Variants in STAG2 observed in about 807,000 individuals in gnomAD.
The protein encoded by STAG2 is cohesin subunit SA-2.
A neutral mutation model predicts 108.1 loss-of-function variants in STAG2; 14 were observed. The observed-to-expected ratio is 0.13, with a 90% CI of 0.09 to 0.20. The LOEUF (loss-of-function observed/expected upper bound fraction) is 0.20. Ranked by LOEUF, STAG2 falls within the 10% of genes least tolerant of loss-of-function variation. STAG2 has a pLI of 1.00. For synonymous variants in STAG2, 307 were observed against 302.7 expected (o/e 1.01, Z -0.15); for missense variants, 440 against 940.9 (o/e 0.47, Z 6.96).
chrX:124,065,122 A>G (rs1328783300), intron 20 of STAG2, among the ~76,000 whole-genome samples: 1 of 111,897 alleles, frequency 8.9e-6, no homozygotes, highest in Non-Finnish European at 1.9e-5. Flanking sequence ...TTGTGCAAAT[A>G]TGTTGATGTA....
intron 3 of STAG2, among the ~76,000 whole-genome samples, chrX:124,024,908 T>C (rs766991940): frequency 1.8e-4 from 20 of 111,997 alleles, no homozygotes; most frequent in Non-Finnish European, 3.6e-4. Context: ...AATACTAATA[T>C]AAGTATGCCT....
chrX:124,008,499 C>T (rs1410175367), intron 1 of STAG2, among the ~76,000 whole-genome samples: 4 of 110,952 alleles, frequency 3.6e-5, no homozygotes, highest in Non-Finnish European at 1.9e-5. Flanking sequence ...AGGCGTGAGC[C>T]ACCGTGCCCA....
chrX:124,047,240 CTTTT>C (rs1475543002), intron 8 of STAG2, 110 bp from the exon 9 acceptor site: 1 of 582,393 alleles, frequency 1.7e-6, no homozygotes, highest in African/African-American at 2.3e-5. Flanking sequence ...CTGCATCTTT[CTTTT>C]GTTAGAAGCA....
chrX:124,056,210 G>A lies in STAG2; in HGVS notation c.1279G>A (p.Ala427Thr). ...VYSAHRPVAV[A>T]AGEFLYKKLF... Reference sequence around the variant, plus strand: ...TTCAGCTCACCGGCCAGTAGCAGTAGCAGCTGGAGAATTTCTCTACAAAAA... The same window carrying A: ...TTCAGCTCACCGGCCAGTAGCAGTAACAGCTGGAGAATTTCTCTACAAAAA... The change falls in exon 14 of 35, where the codon GCA (alanine) becomes ACA (threonine). Residue 427 changes from alanine to threonine, a missense_variant. This residue lies in a region of STAG2 where 337 missense variants were observed against 649.3 expected (regional missense o/e 0.52). Coordinates refer to ENST00000371145, the MANE Select transcript of STAG2 (RefSeq NM_001042750.2). The A allele has an allele frequency of 8.3e-7, 1 of 1,205,999 alleles. No individual in the cohort carries two copies.
chrX:123,983,047 A>G (rs1161634389), intron 1 of STAG2, among the ~76,000 whole-genome samples: 1 of 111,256 alleles, frequency 9.0e-6, no homozygotes, highest in Non-Finnish European at 1.9e-5. Context: ...TGCTTCGGAG[A>G]TGTTAAACAG....
chrX:124,087,219 A>G (rs752218663), intron 30 of STAG2, among the ~76,000 whole-genome samples: 1 of 112,303 alleles, frequency 8.9e-6, no homozygotes, highest in Non-Finnish European at 1.9e-5. Context: ...GCCATTAATC[A>G]TGAAGAACTT....
chrX:124,030,691 T>TA (rs1304833898), intron 4 of STAG2, among the ~76,000 whole-genome samples: 1 of 111,541 alleles, frequency 9.0e-6, no homozygotes, highest in East Asian at 2.8e-4. Context: ...ATCACTCAGC[T>TA]AATAGTAGCA....
At chrX:124,077,880 A>G (rs939791656) in intron 26 of STAG2, 77 bp from the exon 27 acceptor site, 2 of 659,574 alleles carry the variant, frequency 3.0e-6, no homozygotes, top group Non-Finnish European at 4.4e-6. Flanking sequence ...ACGTGTTTAC[A>G]TGACTAACCT....
At chrX:124,013,307 GCACA>G (rs906512157) in intron 1 of STAG2, among the ~76,000 whole-genome samples, 25 of 97,795 alleles carry the variant, frequency 2.6e-4, no homozygotes, top group African/African-American at 5.2e-4. Context: ...GTATACACAT[GCACA>G]CACACACACA....
At chrX:124,008,147 G>T (rs2056370872) in intron 1 of STAG2, among the ~76,000 whole-genome samples, 1 of 110,563 alleles carries the variant, frequency 9.0e-6, no homozygotes, top group South Asian at 3.8e-4. Context: ...TAGATTATAT[G>T]TAGAAGTTGG....
At chrX:123,969,249 G>A (rs1419181856) in intron 1 of STAG2, among the ~76,000 whole-genome samples, 2 of 110,567 alleles carry the variant, frequency 1.8e-5, no homozygotes, top group Non-Finnish European at 3.8e-5. Context: ...GAATTTTTTG[G>A]GGGGGGAATC....
intron 1 of STAG2, among the ~76,000 whole-genome samples, chrX:123,967,050 A>G (rs1205437742): frequency 8.3e-5 from 9 of 108,734 alleles, no homozygotes; most frequent in Non-Finnish European, 1.9e-5. Flanking sequence ...CGCCCAGCTA[A>G]TTTTTTGTGT....
At chrX:123,995,240 T>G (rs999101839) in intron 1 of STAG2, among the ~76,000 whole-genome samples, 9 of 111,340 alleles carry the variant, frequency 8.1e-5, no homozygotes, top group African/African-American at 2.9e-4. Flanking sequence ...GATAAAGCCT[T>G]TATGGAAAAG....
chrX:124,066,448 T>C lies in STAG2; in HGVS notation c.2265+12T>C. 8.6e-7 allele frequency: 1 copy of C among 1,157,829 alleles called. No homozygotes were observed. The highest frequency in any genetic ancestry group is 1.2e-6 in the Non-Finnish European group (1 of 851,482). ...GCAGCTCTACAAAGGTTTGTGGTGG[T>C]TCAGTAGTGTTTTTATTAGACTAAA... is the stretch of plus-strand genomic sequence containing the variant. On this transcript the variant is annotated intron_variant, in intron 23 of 34. Transcript: ENST00000371145.
rs779588128 is a variant in STAG2, at chrX:123,971,315, G to T, written c.-163+9459G>T. Among the ~76,000 whole-genome samples, 8 of 111,717 alleles carry T rather than the reference G, an allele frequency of 7.2e-5. No individual in the cohort carries two copies. The South Asian group carries it at 3.0e-3, about 42-fold the overall frequency. On this transcript the variant is annotated intron_variant, in intron 1 of 34. Transcript: ENST00000371145. ...GTGGTGGCATGTGCCTGTAATCCCA[G>T]CTTCTTGGGAGGCTGAGGTAGGAGA...
At position 124,077,818 on chromosome X, in the gene STAG2, A is replaced by G. The variant is rs2058838534; in HGVS notation, c.2674-139A>G. On this transcript the variant is annotated intron_variant, in intron 26 of 34. Transcript: ENST00000371145. ...TAGAAATGATCTTTAGGTTTCAGTAACATTCTTTCCTGCCTTTGAAGGCAT... is the reference window on the plus strand; with the variant it reads ...TAGAAATGATCTTTAGGTTTCAGTAGCATTCTTTCCTGCCTTTGAAGGCAT... 4 of 382,947 alleles carry G rather than the reference A, an allele frequency of 1.0e-5. No individual in the cohort carries two copies. The Admixed American group carries it at 2.2e-4, about 21-fold the overall frequency. The allele number at this position is 382,947 out of a possible 1,213,427, so 31.6% of individuals were successfully genotyped here.
Position 124,090,964 on chromosome X carries a change from TG to T in STAG2, c.3578+1del. The T allele has an allele frequency of 5.1e-6, 6 of 1,172,054 alleles. No individual in the cohort carries two copies. Among genetic ancestry groups the T allele is most frequent in the Non-Finnish European group, 7.0e-6 (6 of 861,184 alleles). On this transcript the variant is annotated splice_donor_variant, in intron 32 of 34. Transcript: ENST00000371145. LOFTEE classifies it high-confidence loss of function. ...CTGCGAACTAATCTTCAGCATGCCA[TG>T]TAAGTGAGAGTGCCTTATTGTCTGA...
At chrX:124,023,176 A>G (rs1406571881) in intron 3 of STAG2, among the ~76,000 whole-genome samples, 1 of 111,813 alleles carries the variant, frequency 8.9e-6, no homozygotes, top group African/African-American at 3.2e-5. Context: ...CTTTTATTCT[A>G]ATTACTCCTT....
rs886122270 is a variant in STAG2 at position 124,044,680 on chromosome X, A to G, written c.463-484A>G. 2.0e-4 allele frequency among the ~76,000 whole-genome samples: 22 copies of G among 112,096 alleles called. No homozygotes were observed. The Admixed American group carries it at 2.1e-3, about 11-fold the overall frequency. ...AGCTACATTTCCATTTCTTTAAAAA[A>G]TTATGATTGTTTATATCTGTTGACT... On this transcript the variant is annotated intron_variant, in intron 7 of 34. Coordinates refer to ENST00000371145, the MANE Select transcript of STAG2 (RefSeq NM_001042750.2).
Sources: gnomAD v4.1 joint callset for allele counts (sites outside exome capture counted in the v4.1 genomes callset) on GRCh38, gnomAD v4.1.1 for gene constraint, gnomAD v4.1.1 regional missense constraint, MANE v1.5 for transcripts, NCBI Gene and HGNC (gene_info 2026-07-23, HGNC 2026-07-21) for gene names.